The following A2ML1 variants were observed in gnomAD, a reference collection of about 807,000 sequenced individuals.
The protein encoded by A2ML1 is alpha-2-macroglobulin like 1.
A neutral mutation model predicts 181.9 loss-of-function variants in A2ML1; 161 were observed. The ratio of observed to expected loss-of-function variants is 0.89; its 90% CI spans 0.78 to 1.01. A2ML1 has a LOEUF of 1.01. Among genes scored for constraint, A2ML1 ranks in the 50% least tolerant of loss-of-function variants. A2ML1 has a pLI of 0.00. For missense variants in A2ML1, 1,670 were observed against 1,768.1 expected, an observed-to-expected ratio of 0.94 and a Z score of 1.00; for synonymous variants, 663 against 666.8, an observed-to-expected ratio of 0.99 and a Z score of 0.09.
At chr12:8,880,022 AAC>A (rs1944854519), downstream of A2ML1, among the ~76,000 whole-genome samples, 1 of 152,218 alleles carries the variant, frequency 6.6e-6, no homozygotes, top group African/African-American at 2.4e-5. Flanking sequence ...CAAACAAATT[AAC>A]AGTTATAATA....
At chr12:8,863,497 G>GCTT (rs746357529) in intron 28 of A2ML1, among the ~76,000 whole-genome samples, 1 of 152,196 alleles carries the variant, frequency 6.6e-6, no homozygotes, top group Non-Finnish European at 1.5e-5. Flanking sequence ...CTTATAAGAA[G>GCTT]CTTCTATTTA....
chr12:8,837,577 G>T lies in A2ML1; in HGVS notation c.855+11G>T. 1 of 1,608,742 alleles carries T rather than the reference G, an allele frequency of 6.2e-7. No homozygotes were observed. The highest frequency in any genetic ancestry group is 1.1e-5 in the South Asian group (1 of 90,926). ...AACCTCTCTGGACAGGTGAGTAAAT[G>T]ACAGGTTAAAAAGGAACCTATCGGC... On this transcript the variant is annotated intron_variant, in intron 8 of 35. Coordinates refer to ENST00000299698, the MANE Select transcript of A2ML1 (RefSeq NM_144670.6).
chr12:8,854,098 G>A, intron 20 of A2ML1, 30 bp from the exon 21 acceptor site: 1 of 1,550,314 alleles, frequency 6.5e-7, no homozygotes, highest in Non-Finnish European at 8.7e-7. Flanking sequence ...TGGCAATAGG[G>A]CTAATGGCTT....
At chr12:8,861,678 G>A (rs922512514) in intron 28 of A2ML1, among the ~76,000 whole-genome samples, 2 of 151,738 alleles carry the variant, frequency 1.3e-5, no homozygotes, top group African/African-American at 2.4e-5. Context: ...TAGTAGAGAC[G>A]GGGTTTCACC....
chr12:8,873,773 G>A (rs961842222), intron 33 of A2ML1, among the ~76,000 whole-genome samples: 2 of 152,034 alleles, frequency 1.3e-5, no homozygotes, highest in Non-Finnish European at 2.9e-5. Flanking sequence ...AACCAGTAAG[G>A]GGCATAGAAC....
intron 22 of A2ML1, 105 bp downstream of exon 22, chr12:8,854,936 C>T (rs1944013184): frequency 1.6e-6 from 2 of 1,288,908 alleles, no homozygotes; most frequent in Non-Finnish European, 2.2e-6. Context: ...GCTCCGTCGT[C>T]CAGGCTGGAT....
At chr12:8,880,142 T>C (rs1299675457), downstream of A2ML1, among the ~76,000 whole-genome samples, 5 of 152,154 alleles carry the variant, frequency 3.3e-5, no homozygotes, top group African/African-American at 7.2e-5. Context: ...GGCAGGCAGA[T>C]CACCTGAGAT....
At chr12:8,861,550 T>C (rs767648434) in intron 28 of A2ML1, among the ~76,000 whole-genome samples, 23 of 152,150 alleles carry the variant, frequency 1.5e-4, no homozygotes, top group South Asian at 4.1e-4. Context: ...TGCAGTGGCG[T>C]GATCTCGGCT....
rs1592136244 is a variant in A2ML1, at chr12:8,851,649, G to C, written c.2235-135G>C. 6 of 778,360 alleles carry C rather than the reference G, an allele frequency of 7.7e-6. No homozygotes were observed. In the East Asian group the frequency reaches 1.6e-4, roughly 21 times the overall value. The allele number at this position is 778,360 out of a possible 1,614,324, so 48.2% of individuals were successfully genotyped here. On this transcript the variant is annotated intron_variant, in intron 18 of 35. Transcript: ENST00000299698. ...TCAAACTGCTGGGCTGAAGCTATCT[G>C]CTCACCTCAGCCTCTCAAAGAGCTG...
intron 7 of A2ML1, among the ~76,000 whole-genome samples, chr12:8,886,268 T>G (rs1205507976): frequency 2.0e-5 from 3 of 152,230 alleles, no homozygotes; most frequent in Non-Finnish European, 2.9e-5. Context: ...TTCTAATTTA[T>G]GAACATGCTC....
intron 14 of A2ML1, 29 bp downstream of exon 14, chr12:8,846,251 T>C (rs1389832672): frequency 6.2e-7 from 1 of 1,612,396 alleles, no homozygotes; most frequent in Non-Finnish European, 8.5e-7. Flanking sequence ...AGGGTGAAGA[T>C]AAAAGTTGGG....
In A2ML1 at chr12:8,863,960, T is replaced by G. The variant is rs759353524; in HGVS notation, c.3669T>G (p.Ala1223=). 1.9e-6 allele frequency: 3 copies of G among 1,612,984 alleles called. No homozygotes were observed. The highest frequency in any genetic ancestry group is 2.5e-6 in the Non-Finnish European group (3 of 1,179,652). ...KEIAKATSIV[A]WLAKQHNAYG... ...TAGCGAAGGCCACTAGCATAGTGGC[T>G]TGGTTGGCCAAGCAACACAATGCAT... The change falls in exon 29 of 36, where the codon GCT becomes GCG. Residue 1223 remains alanine (A), a synonymous_variant. Transcript: ENST00000299698.
intron 16 of A2ML1, 115 bp downstream of exon 16, chr12:8,849,029 T>C: frequency 8.4e-7 from 1 of 1,186,204 alleles, no homozygotes; most frequent in South Asian, 1.6e-5. Flanking sequence ...GGGAACAAAA[T>C]CTTGAAAGAA....
At chr12:8,861,386 T>C in intron 28 of A2ML1, 89 bp downstream of exon 28, 1 of 1,426,468 alleles carries the variant, frequency 7.0e-7, no homozygotes. Context: ...GTCCCACACA[T>C]GTACTCTAGG....
At position 8,835,517 on chromosome 12, in the gene A2ML1, G is replaced by A. The variant is rs962354900; in HGVS notation, c.494G>A (p.Ser165Asn). 1.6e-5 allele frequency: 26 copies of A among 1,614,090 alleles called. No homozygotes were observed. Among genetic ancestry groups the A allele is most frequent in the Non-Finnish European group, 2.2e-5 (26 of 1,179,996 alleles). Residue 165 changes from serine (S) to asparagine (N), a missense_variant, in exon 6 of 36, where the codon AGC becomes AAC. Ser to Asn is a conservative substitution (Grantham distance 46). Coordinates refer to ENST00000299698, the MANE Select transcript of A2ML1 (RefSeq NM_144670.6). ...YSMVELQDPN[S>N]NRIAQWLEVV... ...TTCTCTATTGGACAGGATCCAAATAGCAACAGGATTGCACAGTGGCTGGAA... is the reference window on the plus strand; with the variant it reads ...TTCTCTATTGGACAGGATCCAAATAACAACAGGATTGCACAGTGGCTGGAA...
intron 28 of A2ML1, among the ~76,000 whole-genome samples, chr12:8,863,430 T>C (rs905085271): frequency 1.3e-5 from 2 of 152,108 alleles, no homozygotes; most frequent in Admixed American, 6.6e-5. Flanking sequence ...ATGAAATAAA[T>C]GCTGAAAAAT....
downstream of A2ML1, among the ~76,000 whole-genome samples, chr12:8,878,831 C>T (rs1357434393): frequency 3.9e-5 from 6 of 152,024 alleles, no homozygotes; most frequent in African/African-American, 4.8e-5. This position sits in a 1 kb window ranked among gnomAD's most constrained non-coding sequence, Gnocchi z 4.4. Context: ...GGCATGGTGG[C>T]GTGTTCCTGT....
At chr12:8,863,184 G>A (rs1460360057) in intron 28 of A2ML1, among the ~76,000 whole-genome samples, 6 of 151,314 alleles carry the variant, frequency 4.0e-5, no homozygotes, top group African/African-American at 1.5e-4. Context: ...TCAGTTCACC[G>A]CAACCTCCAC....
At chr12:8,862,723 TG>T (rs5796324) in intron 28 of A2ML1, among the ~76,000 whole-genome samples, 90,849 of 151,788 alleles carry the variant, frequency 0.6, 29,059 homozygotes, top group East Asian at 0.96. Context: ...TCATGAAATG[TG>T]TGTCCGAGAC....
Sources: allele counts gnomAD v4.1 joint callset (sites outside exome capture counted in the v4.1 genomes callset), GRCh38; gene constraint gnomAD v4.1.1; non-coding constraint Gnocchi (gnomAD v3.1); transcripts MANE v1.5; gene names NCBI Gene and HGNC (gene_info 2026-07-23, HGNC 2026-07-21).